PRELID2: variants seen among roughly 807,000 people sequenced by gnomAD.
The protein encoded by PRELID2 is PRELI domain-containing protein 2.
PRELID2 carries 25 observed loss-of-function variants against 28.4 expected under a neutral mutation model. The ratio of observed to expected loss-of-function variants is 0.88; its 90% confidence interval spans 0.64 to 1.23. The LOEUF is 1.23. Ranked by LOEUF, PRELID2 falls within the 50% of genes most tolerant of loss-of-function variation. The probability of loss-of-function intolerance (pLI) is 0.00; values close to 1 mark genes in which losing one functional copy is unlikely to be tolerated. For synonymous variants in PRELID2, 76 were observed against 71.6 expected, an observed-to-expected ratio of 1.06 and a Z score of -0.31; for missense variants, 201 against 214.4, an observed-to-expected ratio of 0.94 and a Z score of 0.39.
the PRELID2 span, chr5:145,338,525 T>C: frequency 1.3e-4 from 20 of 152,208 alleles, no homozygotes; most frequent in Non-Finnish European, 2.8e-4. Flanking sequence ...TTTTACCTGT[T>C]AGGAAGTTAA....
At chr5:145,443,343 A>T in the PRELID2 span, among the ~76,000 whole-genome samples, 1 of 151,920 alleles carries the variant, frequency 6.6e-6, no homozygotes, top group Non-Finnish European at 1.5e-5. Context: ...AAGGCAAAAA[A>T]CTTCCCTTTC....
chr5:145,762,514 G>C (rs968605736), intron 6 of PRELID2, among the ~76,000 whole-genome samples: 9 of 152,144 alleles, frequency 5.9e-5, no homozygotes, highest in African/African-American at 1.9e-4. Context: ...CCCAGCCTGG[G>C]CAACAGAACA....
intron 1 of PRELID2, among the ~76,000 whole-genome samples, chr5:145,642,510 T>C (rs1754124346): frequency 6.6e-6 from 1 of 152,248 alleles, no homozygotes; most frequent in African/African-American, 2.4e-5. Flanking sequence ...GCAGAAGCTC[T>C]TTAATTTAAT....
At chr5:145,320,688 A>C in the PRELID2 span, among the ~76,000 whole-genome samples, 2 of 152,178 alleles carry the variant, frequency 1.3e-5, no homozygotes, top group African/African-American at 4.8e-5. Context: ...TTTTTCGATC[A>C]CTGTTAATAG....
At chr5:145,232,753 C>A in the PRELID2 span, among the ~76,000 whole-genome samples, 1 of 152,036 alleles carries the variant, frequency 6.6e-6, no homozygotes, top group Non-Finnish European at 1.5e-5. Flanking sequence ...GACTATATCA[C>A]CTCTTCATGT....
At chr5:145,517,849 G>T (rs1405407453) in intron 1 of PRELID2, among the ~76,000 whole-genome samples, 1 of 152,078 alleles carries the variant, frequency 6.6e-6, no homozygotes, top group Non-Finnish European at 1.5e-5. Context: ...CAGGGACATG[G>T]ATGAAGGTGG....
the PRELID2 span, among the ~76,000 whole-genome samples, chr5:145,271,027 G>A: frequency 6.6e-5 from 10 of 152,060 alleles, no homozygotes; most frequent in African/African-American, 2.2e-4. Context: ...AGAAGAGTGA[G>A]GAGCAAACGG....
At chr5:145,657,339 C>T (rs1021614731) in intron 1 of PRELID2, among the ~76,000 whole-genome samples, 1 of 152,106 alleles carries the variant, frequency 6.6e-6, no homozygotes, top group African/African-American at 2.4e-5. Context: ...TAGGCATGCT[C>T]AGATGTGAAA....
rs1752971542 is a variant in PRELID2 at position 145,566,854 on chromosome 5, A to C, written n.71-93539T>G. Among the ~76,000 whole-genome samples, 4 of 151,788 alleles carry C rather than the reference A, an allele frequency of 2.6e-5. No individual in the cohort carries two copies. The South Asian group carries it at 8.3e-4, about 32-fold the overall frequency. ...GACTCCATCTCAAAAAAAAAAAAAA[A>C]AAAAGAGAGAGCAAGAGAAAGAGAA... is the stretch of plus-strand genomic sequence containing the variant. On this transcript the variant is annotated intron_variant and non_coding_transcript_variant, in intron 1 of 2. Transcript: ENST00000510259.
chr5:145,343,936 C>T, the PRELID2 span, among the ~76,000 whole-genome samples: 1 of 151,754 alleles, frequency 6.6e-6, no homozygotes, highest in Non-Finnish European at 1.5e-5. Context: ...TTCCTGGAAA[C>T]ATACAACATA....
the PRELID2 span, among the ~76,000 whole-genome samples, chr5:145,315,709 T>C: frequency 6.6e-6 from 1 of 151,936 alleles, no homozygotes; most frequent in African/African-American, 2.4e-5. Context: ...AAGATACTAA[T>C]GAAAAATAGT....
At chr5:145,514,207 G>A (rs1036968998) in intron 1 of PRELID2, among the ~76,000 whole-genome samples, 5 of 151,468 alleles carry the variant, frequency 3.3e-5, no homozygotes, top group African/African-American at 1.2e-4. Flanking sequence ...TGGCAAATTG[G>A]ATAGTCAAGA....
rs1421438574 is a variant in PRELID2, at chr5:145,757,716, C to T, written c.*2820G>A. The stretch of plus-strand genomic sequence containing the variant: ...GTGGCTCAAGCCTGTAATCCCAGCA[C>T]TTTGGGAGGCAGAGGCAGAGGCAGG... On this transcript the variant is annotated 3_prime_UTR_variant, in exon 7 of 7. Coordinates refer to ENST00000683046, the MANE Select transcript of PRELID2 (RefSeq NM_205846.3). Among the ~76,000 whole-genome samples the T allele has an allele frequency of 6.6e-6, 1 of 150,460 alleles. No homozygotes were observed. Among genetic ancestry groups the T allele is most frequent in the Non-Finnish European group, 1.5e-5 (1 of 67,874 alleles).
At chr5:145,813,126 A>T (rs185996602) in intron 4 of PRELID2, among the ~76,000 whole-genome samples, 2 of 152,316 alleles carry the variant, frequency 1.3e-5, no homozygotes, top group Admixed American at 1.3e-4. Context: ...TCACACACCC[A>T]CACCTGCTAA....
chr5:145,737,690 C>T (rs543923210), intron 1 of PRELID2, among the ~76,000 whole-genome samples: 1 of 152,204 alleles, frequency 6.6e-6, no homozygotes, highest in Non-Finnish European at 1.5e-5. Flanking sequence ...AACCTCTGTA[C>T]TCCAGCTAAA....
At chr5:145,826,226 T>C in intron 1 of PRELID2, 1 of 960,936 alleles carries the variant, frequency 1.0e-6, no homozygotes, top group Non-Finnish European at 1.2e-6. Flanking sequence ...ATACAGAGTA[T>C]TTCTGCTATA....
At chr5:145,682,834 G>A (rs1392745950) in intron 1 of PRELID2, among the ~76,000 whole-genome samples, 1 of 152,172 alleles carries the variant, frequency 6.6e-6, no homozygotes, top group African/African-American at 2.4e-5. Flanking sequence ...TATGCAAAGG[G>A]CTGGCTGGCT....
intron 1 of PRELID2, among the ~76,000 whole-genome samples, chr5:145,535,411 C>T (rs927162986): frequency 8.6e-5 from 13 of 151,812 alleles, no homozygotes; most frequent in African/African-American, 3.1e-4. Context: ...TAGTCCATTT[C>T]CCAGCAGTCA....
At position 145,591,814 on chromosome 5, in the gene PRELID2, T is replaced by G. The variant is rs1382144069; in HGVS notation, n.71-118499A>C. Among the ~76,000 whole-genome samples the G allele has an allele frequency of 2.0e-5, 3 of 152,232 alleles. No homozygotes were observed. The East Asian group carries it at 5.8e-4, about 29-fold the overall frequency. ...TCATATCAGCATTTGACTTGCATAC[T>G]TAAAACCTTTCCCTGGATCTGATTT... On this transcript the variant is annotated intron_variant and non_coding_transcript_variant, in intron 1 of 2. Coordinates refer to the PRELID2 transcript ENST00000510259.
Sources: gnomAD v4.1 joint callset for allele counts (sites outside exome capture counted in the v4.1 genomes callset) on GRCh38, gnomAD v4.1.1 for gene constraint, MANE v1.5 for transcripts, NCBI Gene and HGNC (gene_info 2026-07-23, HGNC 2026-07-21) for gene names.